The following PAX7 variants were observed in gnomAD, a reference collection of about 807,000 sequenced individuals.
PAX7 encodes the protein paired box protein Pax-7.
Under a neutral mutation model 50.7 loss-of-function variants are expected in PAX7, and 18 were observed. That is an observed-to-expected ratio of 0.36 (90% CI 0.25 to 0.53). The LOEUF (loss-of-function observed/expected upper bound fraction) is 0.53. Among genes scored for constraint, PAX7 ranks in the 20% least tolerant of loss-of-function variants. The pLI is 0.93. For synonymous variants in PAX7, 310 were observed against 290.4 expected (o/e 1.07, Z -0.69); for missense variants, 644 against 702.9 (o/e 0.92, Z 0.95).
At chr1:18,744,429 AGGAT>A (rs375857866) in intron 8 of PAX7, among the ~76,000 whole-genome samples, 31,395 of 60,332 alleles carry the variant, frequency 0.52, 6,694 homozygotes, top group Admixed American at 0.58. Flanking sequence ...GATAGATGGA[AGGAT>A]GGATGGATGG....
At chr1:18,681,393 A>G (rs2088897483) in intron 4 of PAX7, among the ~76,000 whole-genome samples, 1 of 152,078 alleles carries the variant, frequency 6.6e-6, no homozygotes, top group Non-Finnish European at 1.5e-5. Flanking sequence ...CTCTTGCTTC[A>G]TCTCCCATAT....
At chr1:18,737,360 G>A (rs936568354) in intron 8 of PAX7, among the ~76,000 whole-genome samples, 7 of 151,588 alleles carry the variant, frequency 4.6e-5, no homozygotes, top group South Asian at 2.1e-4. Context: ...TTCACGTGTC[G>A]TTGGCCTCCA....
Position 18,748,036 on chromosome 1 carries a change from C to T in PAX7, c.*3107C>T, listed in dbSNP as rs576526053. On this transcript the variant is annotated 3_prime_UTR_variant, in exon 9 of 9. Coordinates refer to ENST00000420770, the MANE Select transcript of PAX7 (RefSeq NM_001135254.2). ...AGAACCAAGCTATGCTTTTATACTT[C>T]CATTTTATACTTGATTTAGCTTTGT... 9.6e-6 allele frequency: 2 copies of T among 207,418 alleles called. No individual in the cohort carries two copies. Among genetic ancestry groups the T allele is most frequent in the East Asian group, 7.3e-5 (1 of 13,718 alleles). The allele number at this position is 207,418 out of a possible 1,614,324, so 12.8% of individuals were successfully genotyped here. A position where few individuals can be genotyped will look rare whatever the true frequency, so the allele number is the denominator to read the frequency against.
rs932374372 is a variant in PAX7 at position 18,747,190 on chromosome 1, G to A, written c.*2261G>A. 2.7e-4 allele frequency: 63 copies of A among 230,500 alleles called. No individual in the cohort carries two copies. The highest frequency in any genetic ancestry group is 1.4e-3 in the African/African-American group (62 of 45,150). 14.3% of individuals were successfully genotyped at this position (230,500 alleles called of 1,614,324 possible). On this transcript the variant is annotated 3_prime_UTR_variant, in exon 9 of 9. Coordinates refer to ENST00000420770, the MANE Select transcript of PAX7 (RefSeq NM_001135254.2). ...TATCCTGACACCCTCTGTGACTCAG[G>A]AGCAGGGATCTCAGGCAGCTGATAT...
chr1:18,730,225 C>T (rs1423949158), intron 7 of PAX7, among the ~76,000 whole-genome samples: 2 of 152,108 alleles, frequency 1.3e-5, no homozygotes, highest in African/African-American at 2.4e-5. Flanking sequence ...ATGAGAAAAC[C>T]GAGGCACAGA....
intron 4 of PAX7, among the ~76,000 whole-genome samples, chr1:18,680,359 G>T (rs189554185): frequency 1.3e-5 from 2 of 152,142 alleles, no homozygotes; most frequent in East Asian, 3.9e-4. Flanking sequence ...CACCTGCCAG[G>T]CTTCTGTTCT....
intron 8 of PAX7, among the ~76,000 whole-genome samples, chr1:18,742,804 T>A (rs1463813555): frequency 1.3e-5 from 2 of 152,204 alleles, no homozygotes; most frequent in Non-Finnish European, 2.9e-5. Flanking sequence ...TCCAGGGCAT[T>A]TGCACATCCC....
chr1:18,648,492 C>A (rs146989949), intron 4 of PAX7, among the ~76,000 whole-genome samples: 1,807 of 152,166 alleles, frequency 0.012, 16 homozygotes, highest in Middle Eastern at 0.037. Flanking sequence ...CAGGCACGCA[C>A]CACCACACCT....
chr1:18,738,127 T>C (rs546678081), intron 8 of PAX7, among the ~76,000 whole-genome samples: 1 of 151,982 alleles, frequency 6.6e-6, no homozygotes, highest in Non-Finnish European at 1.5e-5. Context: ...ACATACACTG[T>C]GTCTGTGTGT....
At chr1:18,698,272 T>TACAC (rs71018097) in intron 5 of PAX7, among the ~76,000 whole-genome samples, 20,955 of 147,206 alleles carry the variant, frequency 0.14, 1,642 homozygotes, top group East Asian at 0.25. Flanking sequence ...ATTGTTAAAA[T>TACAC]ACACACACAC....
intron 4 of PAX7, among the ~76,000 whole-genome samples, chr1:18,691,135 A>G (rs879347874): frequency 5.9e-5 from 9 of 151,964 alleles, no homozygotes; most frequent in Non-Finnish European, 1.0e-4. Flanking sequence ...GCACTTCCAC[A>G]CTCAGCTAAT....
intron 4 of PAX7, among the ~76,000 whole-genome samples, chr1:18,656,658 C>T (rs1325609952): frequency 6.6e-6 from 1 of 151,650 alleles, no homozygotes; most frequent in African/African-American, 2.4e-5. Flanking sequence ...TTTTAGTTTC[C>T]CAAAGTAAAA....
intron 8 of PAX7, among the ~76,000 whole-genome samples, chr1:18,743,475 G>A (rs896764139): frequency 6.6e-6 from 1 of 152,222 alleles, no homozygotes; most frequent in African/African-American, 2.4e-5. Flanking sequence ...GTGCTACAGC[G>A]TCCCCTGTGG....
At chr1:18,729,814 T>G (rs1160981331) in intron 7 of PAX7, among the ~76,000 whole-genome samples, 2 of 152,134 alleles carry the variant, frequency 1.3e-5, no homozygotes, top group East Asian at 1.9e-4. Flanking sequence ...AGCCTCACAC[T>G]CCTGCTCCCT....
At chr1:18,698,576 G>A (rs1386027393) in intron 5 of PAX7, among the ~76,000 whole-genome samples, 1 of 152,174 alleles carries the variant, frequency 6.6e-6, no homozygotes, top group Non-Finnish European at 1.5e-5. Flanking sequence ...CCACTGTTTG[G>A]GAAACACTGA....
intron 4 of PAX7, among the ~76,000 whole-genome samples, chr1:18,685,169 C>A (rs543862272): frequency 6.6e-6 from 1 of 152,312 alleles, no homozygotes; most frequent in Admixed American, 6.5e-5. Flanking sequence ...AGCCCCACTG[C>A]CCTGAGACTC....
rs1350433707 is a variant in PAX7 at position 18,748,720 on chromosome 1, T to A, written c.*3791T>A. The A allele has an allele frequency of 4.3e-6, 1 of 231,500 alleles. No homozygotes were observed. Among genetic ancestry groups the A allele is most frequent in the Non-Finnish European group, 8.5e-6 (1 of 117,064 alleles). The allele number at this position is 231,500 out of a possible 1,614,324, so 14.3% of individuals were successfully genotyped here. ...GGCGTGTGGGCGTGAGGTGTGTGTT[T>A]AAATATAATCACACCATAATTTATT... On this transcript the variant is annotated 3_prime_UTR_variant, in exon 9 of 9. Coordinates refer to ENST00000420770, the MANE Select transcript of PAX7 (RefSeq NM_001135254.2).
chr1:18,737,367 TCCACTGCCAAATGAGGG>T (rs952741331), intron 8 of PAX7, among the ~76,000 whole-genome samples: 31 of 145,434 alleles, frequency 2.1e-4, no homozygotes, highest in African/African-American at 6.9e-4. Flanking sequence ...GTCGTTGGCC[TCCACTGCCAAATGAGGG>T]CCACTGCCAA....
At chr1:18,719,857 G>A (rs568400753) in intron 7 of PAX7, among the ~76,000 whole-genome samples, 2 of 152,288 alleles carry the variant, frequency 1.3e-5, no homozygotes, top group Admixed American at 1.3e-4. Context: ...ATCCCAGCAT[G>A]GTTACTGATC....
Sources: allele counts gnomAD v4.1 joint callset (sites outside exome capture counted in the v4.1 genomes callset), GRCh38; gene constraint gnomAD v4.1.1; transcripts MANE v1.5; gene names NCBI Gene and HGNC (gene_info 2026-07-23, HGNC 2026-07-21).